Variants in CDK5RAP1 observed in about 807,000 individuals in gnomAD.
CDK5RAP1 encodes the protein mitochondrial tRNA methylthiotransferase CDK5RAP1.
In CDK5RAP1, 62 loss-of-function variants were observed where a neutral mutation model predicts 64.5. That is an observed-to-expected ratio of 0.96 (90% CI 0.78 to 1.19). The LOEUF is 1.19. Among genes scored for constraint, CDK5RAP1 ranks in the 50% most tolerant of loss-of-function variants. CDK5RAP1 has a pLI of 0.00. For missense variants in CDK5RAP1, 657 were observed against 735.0 expected (o/e 0.89, Z 1.23); for synonymous variants, 250 against 261.9 (o/e 0.95, Z 0.44).
At chr20:33,359,166 G>A in intron 13 of CDK5RAP1, 43 bp from the exon 14 acceptor site, 3 of 1,386,938 alleles carry the variant, frequency 2.2e-6, no homozygotes, top group Non-Finnish European at 3.1e-6. Context: ...AACTAGGACT[G>A]TAGCACTGGG....
chr20:33,384,503 G>A (rs1987167717), intron 7 of CDK5RAP1, among the ~76,000 whole-genome samples: 1 of 152,140 alleles, frequency 6.6e-6, no homozygotes, highest in South Asian at 2.1e-4. Context: ...TCACAGAGCA[G>A]GGGAGCAGCT....
intron 8 of CDK5RAP1, among the ~76,000 whole-genome samples, chr20:33,377,074 G>A (rs1288321005): frequency 2.0e-5 from 3 of 152,126 alleles, no homozygotes; most frequent in East Asian, 3.8e-4. Context: ...AGTAGCTCCC[G>A]CCTGTGATCC....
At chr20:33,359,695 A>G (rs1982539162) in intron 13 of CDK5RAP1, 1 of 156,242 alleles carries the variant, frequency 6.4e-6, no homozygotes, top group African/African-American at 2.4e-5. Flanking sequence ...CCCTGCCCTT[A>G]AAGGAACTTC....
In CDK5RAP1 at chr20:33,359,131, A is replaced by G; in HGVS notation, c.1684-8T>C. The G allele has an allele frequency of 6.2e-7, 1 of 1,610,516 alleles. No homozygotes were observed. Among genetic ancestry groups the G allele is most frequent in the Non-Finnish European group, 8.5e-7 (1 of 1,176,928 alleles). ...AGAACTGGCTGAGGTGATCTGAAAG[A>G]AAACCAGGCAGAAGAAGGCAAAATA... On this transcript the variant is annotated splice_region_variant and splice_polypyrimidine_tract_variant and intron_variant, in intron 13 of 13. Transcript: ENST00000346416.
At chr20:33,401,397 C>G in intron 1 of CDK5RAP1, 31 bp downstream of exon 1, 2 of 985,300 alleles carry the variant, frequency 2.0e-6, no homozygotes, top group Non-Finnish European at 2.4e-6. Context: ...AAAGCGGGTG[C>G]GCAGCCCACC....
intron 2 of CDK5RAP1, among the ~76,000 whole-genome samples, chr20:33,395,995 C>A (rs1988865141): frequency 1.3e-5 from 2 of 151,522 alleles, no homozygotes. Context: ...GCCTGGGCGA[C>A]AGAGCGAGAC....
Position 33,360,867 on chromosome 20 carries a change from G to A in CDK5RAP1, c.1543-376C>T, listed in dbSNP as rs144623423. On this transcript the variant is annotated intron_variant, in intron 12 of 13. Coordinates refer to ENST00000346416, the MANE Select transcript of CDK5RAP1 (RefSeq NM_016408.4). The stretch of plus-strand genomic sequence containing the variant: ...TAGTCACTTATGAATGAATGTTCTG[G>A]GATTGTTTGGCCTGCATTACTTGCC... Among the ~76,000 whole-genome samples, 336 of 152,186 alleles carry A rather than the reference G, an allele frequency of 2.2e-3. 2 individuals are homozygous for A. Among genetic ancestry groups the A allele is most frequent in the African/African-American group, 7.8e-3 (322 of 41,506 alleles).
intron 8 of CDK5RAP1, among the ~76,000 whole-genome samples, chr20:33,378,656 C>A (rs191072080): frequency 1.6e-3 from 249 of 152,250 alleles, no homozygotes; most frequent in Middle Eastern, 6.8e-3. Flanking sequence ...TAATTGTTAA[C>A]CCCTTATTAA....
rs777403696 is a variant in CDK5RAP1 at position 33,385,714 on chromosome 20, C to T, written c.812G>A (p.Arg271Gln). ...AATAGGCCGACTCCTCTCCCTGCCC[C>T]GGGTGAAAGGAACAATGCAGTAGCT... ...MCSYCIVPFTRGRERSRPIAS... is the reference protein window; with the variant it reads ...MCSYCIVPFTQGRERSRPIAS... The change falls in exon 7 of 14, where the codon CGG becomes CAG. Residue 271 changes from arginine (R) to glutamine (Q), a missense_variant. Transcript: ENST00000346416. 6 of 1,613,890 alleles carry T rather than the reference C, an allele frequency of 3.7e-6. No homozygotes were observed. The highest frequency in any genetic ancestry group is 3.3e-5 in the Admixed American group (2 of 59,998).
chr20:33,386,853 C>T (rs1462359159), intron 6 of CDK5RAP1, among the ~76,000 whole-genome samples: 2 of 151,182 alleles, frequency 1.3e-5, no homozygotes, highest in East Asian at 1.9e-4. Context: ...TTTAACCTTG[C>T]TTTAGTGGCA....
intron 6 of CDK5RAP1, among the ~76,000 whole-genome samples, chr20:33,387,110 A>G (rs1405133568): frequency 6.6e-6 from 1 of 151,598 alleles, no homozygotes; most frequent in Non-Finnish European, 1.5e-5. Flanking sequence ...TAAAAATTCA[A>G]AAAAAAATTA....
chr20:33,370,746 A>G, intron 10 of CDK5RAP1, 117 bp from the exon 11 acceptor site: 1 of 1,025,680 alleles, frequency 9.7e-7, no homozygotes, highest in South Asian at 1.5e-5. Context: ...CCCTAGGACT[A>G]TTCATAAGTA....
At chr20:33,391,550 G>A (rs1222227831) in intron 5 of CDK5RAP1, among the ~76,000 whole-genome samples, 1 of 152,172 alleles carries the variant, frequency 6.6e-6, no homozygotes, top group African/African-American at 2.4e-5. Flanking sequence ...GGCCAGGCAC[G>A]GTGGCTCATG....
intron 11 of CDK5RAP1, among the ~76,000 whole-genome samples, chr20:33,369,950 C>G (rs1431363821): frequency 6.6e-6 from 1 of 152,162 alleles, no homozygotes; most frequent in Admixed American, 6.5e-5. Context: ...TGCCTACAAT[C>G]AAGAAAATGA....
chr20:33,366,554 G>C (rs1983999571), intron 12 of CDK5RAP1, among the ~76,000 whole-genome samples: 1 of 152,206 alleles, frequency 6.6e-6, no homozygotes, highest in South Asian at 2.1e-4. Context: ...AGAGGTTGCA[G>C]TGGGCCGAGA....
chr20:33,376,573 T>C (rs1295221311), intron 8 of CDK5RAP1, among the ~76,000 whole-genome samples: 1 of 152,174 alleles, frequency 6.6e-6, no homozygotes, highest in African/African-American at 2.4e-5. Context: ...CTGAAAGAGA[T>C]GTACAAGGAG....
rs6057830 is a variant in CDK5RAP1, at chr20:33,367,373, T to C, written c.1393-365A>G. On this transcript the variant is annotated intron_variant, in intron 11 of 13. Transcript: ENST00000346416. ...ATGCAATGCAGCCTAAATATTTCAATAGGCAAGTAGTCACAGAAATTATGG... is the reference window on the plus strand; with the variant it reads ...ATGCAATGCAGCCTAAATATTTCAACAGGCAAGTAGTCACAGAAATTATGG... Among the ~76,000 whole-genome samples the C allele has an allele frequency of 4.1e-3, 617 of 152,332 alleles. 7 individuals carry two copies. The highest frequency in any genetic ancestry group is 0.014 in the African/African-American group (579 of 41,574).
intron 12 of CDK5RAP1, among the ~76,000 whole-genome samples, chr20:33,365,054 A>G (rs1983647779): frequency 1.3e-5 from 2 of 151,548 alleles, no homozygotes; most frequent in East Asian, 1.9e-4. Flanking sequence ...ACACCTGACT[A>G]ATTTTTATTT....
At chr20:33,395,181 G>A (rs1988792975) in intron 2 of CDK5RAP1, 65 bp from the exon 3 acceptor site, 1 of 899,568 alleles carries the variant, frequency 1.1e-6, no homozygotes, top group Admixed American at 1.7e-5. Context: ...GTCTCAAAAG[G>A]TCTCCTTCCC....
Sources: allele counts gnomAD v4.1 joint callset (sites outside exome capture counted in the v4.1 genomes callset), GRCh38; gene constraint gnomAD v4.1.1; transcripts MANE v1.5; gene names NCBI Gene and HGNC (gene_info 2026-07-23, HGNC 2026-07-21).